Variants in AHNAK observed in about 807,000 individuals in gnomAD.
AHNAK encodes the protein neuroblast differentiation-associated protein AHNAK.
In AHNAK, 23 loss-of-function variants were observed where a neutral mutation model predicts 37.8. The ratio of observed to expected loss-of-function variants is 0.61; its 90% CI spans 0.44 to 0.86. AHNAK has a LOEUF of 0.86. Among genes scored for constraint, AHNAK ranks in the 40% least tolerant of loss-of-function variants. The pLI, the probability that AHNAK is intolerant of heterozygous loss-of-function variation, is 0.00. For missense variants in AHNAK, 7,411 were observed against 7,319.4 expected (o/e 1.01, Z -0.46); for synonymous variants, 2,481 against 2,636.3 (o/e 0.94, Z 1.80).
rs1359969812 is a variant in AHNAK at position 62,522,305 on chromosome 11, T to C, written c.12112A>G (p.Lys4038Glu). The change falls in exon 5 of 5, where the codon AAG becomes GAG. Residue 4038 changes from lysine (K) to glutamate (E), a missense_variant. Coordinates refer to ENST00000378024, the MANE Select transcript of AHNAK (RefSeq NM_001620.3). ...GDLKAPEVDIKGPKVDIDAPD... is the reference protein window; with the variant it reads ...GDLKAPEVDIEGPKVDIDAPD... ...GCATCAATGTCCACTTTGGGGCCCT[T>C]GATGTCAACTTCAGGGGCCTTTAGA... The C allele has an allele frequency of 6.2e-7, 1 of 1,613,328 alleles. No homozygotes were observed. The highest frequency in any genetic ancestry group is 8.5e-7 in the Non-Finnish European group (1 of 1,179,850).
At chr11:62,451,029 C>T in intron 5 of AHNAK, among the ~76,000 whole-genome samples, 1 of 142,878 alleles carries the variant, frequency 7.0e-6, no homozygotes. Flanking sequence ...GAGATGATGT[C>T]ACTGACCCAA....
intron 5 of AHNAK, among the ~76,000 whole-genome samples, chr11:62,455,307 G>C (rs1938631919): frequency 6.6e-6 from 1 of 152,038 alleles, no homozygotes; most frequent in South Asian, 2.1e-4. Context: ...AAAGGAATTG[G>C]CCCCCTTAAG....
intron 1 of AHNAK, among the ~76,000 whole-genome samples, chr11:62,542,492 C>T (rs1467236909): frequency 1.3e-5 from 2 of 152,016 alleles, no homozygotes; most frequent in Non-Finnish European, 2.9e-5. Context: ...CAGGGCAGCC[C>T]TTACACCCCA....
intron 5 of AHNAK, among the ~76,000 whole-genome samples, chr11:62,475,320 G>A (rs1380380217): frequency 2.0e-5 from 3 of 152,022 alleles, no homozygotes; most frequent in African/African-American, 7.2e-5. Context: ...AAGGTGGGGG[G>A]ACCCCTGCAG....
intron 4 of AHNAK, among the ~76,000 whole-genome samples, chr11:62,493,188 A>G (rs925830354): frequency 6.8e-6 from 1 of 147,300 alleles, no homozygotes; most frequent in Non-Finnish European, 1.5e-5. Context: ...AATTTTTAGT[A>G]TTTTTAGTAG....
In AHNAK at chr11:62,522,903, G is replaced by T. The variant is rs1940318685; in HGVS notation, c.11514C>A (p.Pro3838=). ...CATCTGGAACATCAATGTCCACCTT[G>T]GGTCCTGAGACATCAAGGTCAGCCT... ...LPKADLDVSG[P]KVDIDVPDVN... Residue 3838 remains proline, a synonymous_variant, in exon 5 of 5, where the codon CCC becomes CCA. Coordinates refer to ENST00000378024, the MANE Select transcript of AHNAK (RefSeq NM_001620.3). The T allele has an allele frequency of 6.2e-7, 1 of 1,612,478 alleles. No individual in the cohort carries two copies. The highest frequency in any genetic ancestry group is 1.3e-5 in the African/African-American group (1 of 74,356).
Position 62,526,238 on chromosome 11 carries a change from C to T in AHNAK, c.8179G>A (p.Val2727Ile), listed in dbSNP as rs1418110269. The T allele has an allele frequency of 8.1e-6, 13 of 1,613,678 alleles. No individual in the cohort carries two copies. Among genetic ancestry groups the T allele is most frequent in the Non-Finnish European group, 1.1e-5 (13 of 1,179,990 alleles). ...KGPKVKGDVD[V>I]SLPKVEGDLK... ...TCACCTTCCACTTTAGGAAGGGAAA[C>T]ATCCACATCACCCTTCACTTTGGGT... Residue 2727 changes from valine to isoleucine, a missense_variant, in exon 5 of 5, where the codon GTT (valine) becomes ATT (isoleucine). Transcript: ENST00000378024.
In AHNAK at chr11:62,518,942, G is replaced by A. The variant is rs537762308; in HGVS notation, c.15475C>T (p.Leu5159=). ...TTTGCCTGCACTTTGGGGCCTTTCA[G>A]GTCACCCTCTATTTTTGGCACTGAG... is the stretch of plus-strand genomic sequence containing the variant. The part of the protein sequence containing the change: ...DISVPKIEGD[L]KGPKVQANLG... Residue 5159 remains leucine (L), a synonymous_variant, in exon 5 of 5, where the codon CTG becomes TTG. Coordinates refer to ENST00000378024, the MANE Select transcript of AHNAK (RefSeq NM_001620.3). The A allele has an allele frequency of 8.7e-6, 14 of 1,614,040 alleles. No individual in the cohort carries two copies. Among genetic ancestry groups the A allele is most frequent in the Admixed American group, 1.7e-5 (1 of 60,006 alleles).
At position 62,530,404 on chromosome 11, in the gene AHNAK, T is replaced by C. The variant is rs1940690562; in HGVS notation, c.4013A>G (p.Lys1338Arg). The C allele has an allele frequency of 6.2e-7, 1 of 1,614,124 alleles. No homozygotes were observed. Among genetic ancestry groups the C allele is most frequent in the South Asian group, 1.1e-5 (1 of 91,086 alleles). The change falls in exon 5 of 5, where the codon AAG (lysine) becomes AGG (arginine). Residue 1338 changes from lysine to arginine, a missense_variant. By Grantham distance (26) the Lys-to-Arg change is conservative. Transcript: ENST00000378024. ...AGGCAAGGACACATCCACATCTCCC[T>C]TCAATTTTGGCCCCTTAAGATTCAG... ...VDLNLKGPKL[K>R]GDVDVSLPEV...
intron 4 of AHNAK, among the ~76,000 whole-genome samples, chr11:62,508,828 C>T (rs1939858666): frequency 6.6e-6 from 1 of 152,252 alleles, no homozygotes; most frequent in Admixed American, 6.5e-5. Flanking sequence ...CTGCTCTGTG[C>T]TGCAAAGCTC....
At chr11:62,483,326 C>G (rs750514108) in intron 5 of AHNAK, among the ~76,000 whole-genome samples, 1 of 152,218 alleles carries the variant, frequency 6.6e-6, no homozygotes, top group African/African-American at 2.4e-5. Context: ...ATTCCTTCAG[C>G]TTTAATTTGA....
chr11:62,517,754 A>C lies in AHNAK; in HGVS notation c.16663T>G (p.Ser5555Ala). The part of the protein sequence containing the change: ...GPAFNMASPE[S>A]DFGINLKGPK... ...CCCTTCAAGTTGATGCCAAAATCTGACTCAGGAGATGCCATATTAAAGGCA... is the reference window on the plus strand; with the variant it reads ...CCCTTCAAGTTGATGCCAAAATCTGCCTCAGGAGATGCCATATTAAAGGCA... The change falls in exon 5 of 5, where the codon TCA becomes GCA. Residue 5555 changes from serine (S) to alanine (A), a missense_variant. Transcript: ENST00000378024. The C allele has an allele frequency of 6.2e-7, 1 of 1,614,154 alleles. No individual in the cohort carries two copies. Among genetic ancestry groups the C allele is most frequent in the South Asian group, 1.1e-5 (1 of 91,080 alleles).
Position 62,531,924 on chromosome 11 carries a change from G to C in AHNAK, c.2493C>G (p.Asn831Lys). The C allele has an allele frequency of 8.1e-6, 13 of 1,604,858 alleles. No individual in the cohort carries two copies. Among genetic ancestry groups the C allele is most frequent in the Non-Finnish European group, 1.1e-5 (13 of 1,176,892 alleles). The change falls in exon 5 of 5, where the codon AAC (asparagine) becomes AAG (lysine). Residue 831 changes from asparagine to lysine, a missense_variant. Asn to Lys is a moderately conservative substitution (Grantham distance 94, BLOSUM62 0). Coordinates refer to ENST00000378024, the MANE Select transcript of AHNAK (RefSeq NM_001620.3). ...PDVDLHLKGP[N>K]VKGEYDVTMP... is the part of the protein sequence containing the mutation. ...TTGTGACATCATATTCTCCCTTTAC[G>C]TTAGGGCCTTTCAGATGTAAGTCCA...
At position 62,516,661 on chromosome 11, in the gene AHNAK, C is replaced by T. The variant is rs939050984; in HGVS notation, c.*83G>A. On this transcript the variant is annotated 3_prime_UTR_variant, in exon 5 of 5. Coordinates refer to ENST00000378024, the MANE Select transcript of AHNAK (RefSeq NM_001620.3). Reference sequence around the variant, plus strand: ...ATTGCTGAGGCAGTCGGTGTGTTTCCCTTTGGAGTTTATATAGGAACACAC... The same window carrying T: ...ATTGCTGAGGCAGTCGGTGTGTTTCTCTTTGGAGTTTATATAGGAACACAC... 34 of 1,511,456 alleles carry T rather than the reference C, an allele frequency of 2.2e-5. No homozygotes were observed. Among genetic ancestry groups the T allele is most frequent in the Non-Finnish European group, 3.0e-5 (34 of 1,136,810 alleles). 93.6% of individuals were successfully genotyped at this position (1,511,456 alleles called of 1,614,324 possible).
rs1448509929 is a variant in AHNAK, at chr11:62,524,657, C to T, written c.9760G>A (p.Asp3254Asn). Reference protein sequence around the residue: ...VEGDLKGPALDIKGPKIDVDA... With the variant: ...VEGDLKGPALNIKGPKIDVDA... ...ACATCTATCTTTGGGCCTTTTATGT[C>T]AAGAGCAGGTCCTTTCAAATCACCT... Residue 3254 changes from aspartate (D) to asparagine (N), a missense_variant, in exon 5 of 5, where the codon GAC (aspartate) becomes AAC (asparagine). Physicochemically the swap from Asp to Asn is conservative, Grantham distance 23. Coordinates refer to ENST00000378024, the MANE Select transcript of AHNAK (RefSeq NM_001620.3). The T allele has an allele frequency of 6.2e-7, 1 of 1,614,178 alleles. No individual in the cohort carries two copies. The highest frequency in any genetic ancestry group is 1.3e-5 in the African/African-American group (1 of 75,048).
downstream of AHNAK, among the ~76,000 whole-genome samples, chr11:62,511,185 C>T (rs375473685): frequency 5.3e-5 from 8 of 152,080 alleles, no homozygotes; most frequent in South Asian, 6.2e-4. Flanking sequence ...CACATAATCA[C>T]GCCTTGCTTT....
chr11:62,434,961 T>C, intron 5 of AHNAK, among the ~76,000 whole-genome samples: 1 of 146,708 alleles, frequency 6.8e-6, no homozygotes, highest in Admixed American at 6.9e-5. Flanking sequence ...AAAAGCCAGC[T>C]TTCTTAATGG....
At chr11:62,541,603 C>A (rs1941125984) in intron 1 of AHNAK, among the ~76,000 whole-genome samples, 1 of 152,172 alleles carries the variant, frequency 6.6e-6, no homozygotes, top group African/African-American at 2.4e-5. Flanking sequence ...AAAAAAAACC[C>A]CACACACAAG....
chr11:62,457,066 C>T (rs182196659), intron 5 of AHNAK, among the ~76,000 whole-genome samples: 215 of 152,014 alleles, frequency 1.4e-3, no homozygotes, highest in African/African-American at 4.9e-3. Flanking sequence ...TTTGGGAGGC[C>T]GAGGCGGGAG....
Sources: gnomAD v4.1 joint callset for allele counts (sites outside exome capture counted in the v4.1 genomes callset) on GRCh38, gnomAD v4.1.1 for gene constraint, MANE v1.5 for transcripts, NCBI Gene and HGNC (gene_info 2026-07-23, HGNC 2026-07-21) for gene names.